Variants in AMMECR1L observed in about 807,000 individuals in gnomAD.
AMMECR1L encodes AMMECR1 like, also known as AMMECR1-like protein.
AMMECR1L carries 4 observed loss-of-function variants against 36.8 expected under a neutral mutation model. The observed-to-expected ratio is 0.11, with a 90% confidence interval of 0.05 to 0.25. AMMECR1L has a LOEUF of 0.25. AMMECR1L is among the 10% of genes least tolerant of loss of function. The pLI, the probability that AMMECR1L is intolerant of heterozygous loss-of-function variation, is 1.00. For missense variants in AMMECR1L, 232 were observed against 392.1 expected, an observed-to-expected ratio of 0.59 and a Z score of 3.45; for synonymous variants, 147 against 148.0, an observed-to-expected ratio of 0.99 and a Z score of 0.05.
rs573654149 is a variant in AMMECR1L at position 127,881,979 on chromosome 2, C to T, written c.-39+2224G>A. On this transcript the variant is annotated intron_variant, in intron 2 of 7. Transcript: ENST00000272647. ...GCCTTGAGAGTTGTACAGTTTTATT[C>T]CACTAGAGTCCTCATTTAAGCTTAC... Among the ~76,000 whole-genome samples the T allele has an allele frequency of 1.3e-4, 20 of 152,242 alleles. 1 individual carries two copies. The South Asian group carries it at 3.9e-3, about 30-fold the overall frequency.
chr2:127,884,060 A>G (rs1691643501), intron 2 of AMMECR1L, 143 bp downstream of exon 2: 1 of 152,272 alleles, frequency 6.6e-6, no homozygotes, highest in African/African-American at 2.4e-5. Context: ...AACAAGCGGA[A>G]AAACTTCATC....
In AMMECR1L at chr2:127,873,682, C is replaced by G. The variant is rs1691096599; in HGVS notation, c.407+146G>C. 1 of 1,548,750 alleles carries G rather than the reference C, an allele frequency of 6.5e-7. No individual in the cohort carries two copies. Among genetic ancestry groups the G allele is most frequent in the Non-Finnish European group, 8.6e-7 (1 of 1,160,070 alleles). Reference sequence around the variant, plus strand: ...GAATCCACTGAATGTTTTAAATATTCTCTGGACATTTCTTATCATTCTCTT... The same window carrying G: ...GAATCCACTGAATGTTTTAAATATTGTCTGGACATTTCTTATCATTCTCTT... On this transcript the variant is annotated intron_variant, in intron 3 of 7. Coordinates refer to ENST00000272647, the MANE Select transcript of AMMECR1L (RefSeq NM_001199140.2). The surrounding 1 kb of genome is among the most constrained non-coding windows in gnomAD (Gnocchi z 5.2).
At chr2:127,883,871 C>T (rs1476533080) in intron 2 of AMMECR1L, among the ~76,000 whole-genome samples, 2 of 152,064 alleles carry the variant, frequency 1.3e-5, no homozygotes, top group East Asian at 1.9e-4. Flanking sequence ...AGTTAATTAC[C>T]CTAAAACTTA....
Position 127,863,367 on chromosome 2 carries a change from T to G in AMMECR1L, c.*1727A>C, listed in dbSNP as rs903457657. 2 of 151,836 alleles carry G rather than the reference T, an allele frequency of 1.3e-5. No individual in the cohort carries two copies. The highest frequency in any genetic ancestry group is 4.8e-5 in the African/African-American group (2 of 41,374). The allele number at this position is 151,836 out of a possible 1,614,324, so 9.4% of individuals were successfully genotyped here. Reference sequence around the variant, plus strand: ...CTAGGCACCGTCACCCACGTTTCCCTCGCACGTCCCAGGTCCTCTCGAGCA... The same window carrying G: ...CTAGGCACCGTCACCCACGTTTCCCGCGCACGTCCCAGGTCCTCTCGAGCA... On this transcript the variant is annotated 3_prime_UTR_variant, in exon 8 of 8. Transcript: ENST00000272647.
rs528985015 is a variant in AMMECR1L at position 127,881,502 on chromosome 2, T to C, written c.-39+2701A>G. Among the ~76,000 whole-genome samples the C allele has an allele frequency of 2.6e-5, 4 of 152,218 alleles. No homozygotes were observed. In the East Asian group the frequency reaches 5.8e-4, roughly 22 times the overall value. On this transcript the variant is annotated intron_variant, in intron 2 of 7. Coordinates refer to ENST00000272647, the MANE Select transcript of AMMECR1L (RefSeq NM_001199140.2). ...CAGAACCTAGATTTTGAGGTTACAA[T>C]CTCAGCTCAGATCCCAAGTCTGACT...
intron 2 of AMMECR1L, among the ~76,000 whole-genome samples, chr2:127,878,079 T>A (rs911797113): frequency 2.0e-5 from 3 of 152,036 alleles, no homozygotes; most frequent in African/African-American, 7.2e-5. Flanking sequence ...AATAAATAAA[T>A]AAAAATTTAA....
At chr2:127,880,280 C>G (rs1278475850) in intron 2 of AMMECR1L, among the ~76,000 whole-genome samples, 1 of 152,218 alleles carries the variant, frequency 6.6e-6, no homozygotes. Context: ...GTGAGAGTCC[C>G]TTTTCTTCCT....
At chr2:127,883,801 C>T (rs7574303) in intron 2 of AMMECR1L, among the ~76,000 whole-genome samples, 1 of 152,052 alleles carries the variant, frequency 6.6e-6, no homozygotes, top group African/African-American at 2.4e-5. Context: ...TCTCTCAGGA[C>T]TGAAACTATA....
rs536175659 is a variant in AMMECR1L, at chr2:127,873,035, TG to T, written c.407+792del. ...GCTCCTTTTCTTCACACCCTCTCCA[TG>T]CCCCAGCCAAGGTTTTGTAGTCTCC... is the stretch of plus-strand genomic sequence containing the variant. On this transcript the variant is annotated intron_variant, in intron 3 of 7. Transcript: ENST00000272647. The surrounding 1 kb of genome is among the most constrained non-coding windows in gnomAD (Gnocchi z 5.2). 47 of 985,328 alleles carry T rather than the reference TG, an allele frequency of 4.8e-5. No homozygotes were observed. The South Asian group carries it at 1.4e-3, about 30-fold the overall frequency. The allele number at this position is 985,328 out of a possible 1,614,324, so 61.0% of individuals were successfully genotyped here.
chr2:127,871,849 T>C lies in AMMECR1L; in HGVS notation c.408-490A>G, dbSNP rs1408747601. On this transcript the variant is annotated intron_variant, in intron 3 of 7. Coordinates refer to ENST00000272647, the MANE Select transcript of AMMECR1L (RefSeq NM_001199140.2). This position sits in a 1 kb window ranked among gnomAD's most constrained non-coding sequence, Gnocchi z 4.3. ...TACAAATATTTCCACTCACAAATTTTCAGAAAAAAAAGTTCCCTCAAAAAA... is the reference window on the plus strand; with the variant it reads ...TACAAATATTTCCACTCACAAATTTCCAGAAAAAAAAGTTCCCTCAAAAAA... Among the ~76,000 whole-genome samples the C allele has an allele frequency of 6.6e-6, 1 of 151,806 alleles. No homozygotes were observed. The highest frequency in any genetic ancestry group is 1.5e-5 in the Non-Finnish European group (1 of 67,948).
intron 7 of AMMECR1L, among the ~76,000 whole-genome samples, chr2:127,866,002 A>G (rs1690669466): frequency 1.3e-5 from 2 of 152,222 alleles, no homozygotes; most frequent in African/African-American, 4.8e-5. Context: ...AAATTATAAT[A>G]ATAATAATAA....
chr2:127,866,880 A>G lies in AMMECR1L; in HGVS notation c.821+20T>C, dbSNP rs1224049901. On this transcript the variant is annotated intron_variant, in intron 7 of 7. Coordinates refer to ENST00000272647, the MANE Select transcript of AMMECR1L (RefSeq NM_001199140.2). Reference sequence around the variant, plus strand: ...CCCCAACTAAATTGAAATGATAAGGAAAACAAGACAATGGCTTACCTGGTG... The same window carrying G: ...CCCCAACTAAATTGAAATGATAAGGGAAACAAGACAATGGCTTACCTGGTG... 6.2e-7 allele frequency: 1 copy of G among 1,608,564 alleles called. No homozygotes were observed. The highest frequency in any genetic ancestry group is 8.5e-7 in the Non-Finnish European group (1 of 1,174,956).
rs571090847 is a variant in AMMECR1L, at chr2:127,866,527, T to A, written c.821+373A>T. Among the ~76,000 whole-genome samples, 7 of 152,368 alleles carry A rather than the reference T, an allele frequency of 4.6e-5. No individual in the cohort carries two copies. In the East Asian group the frequency reaches 1.3e-3, roughly 29 times the overall value. On this transcript the variant is annotated intron_variant, in intron 7 of 7. Coordinates refer to ENST00000272647, the MANE Select transcript of AMMECR1L (RefSeq NM_001199140.2). ...AAAAGCATTTTCTTACTCTCCTGTA[T>A]CTCCTGCCGTCTGACTACATGTGCA...
intron 2 of AMMECR1L, among the ~76,000 whole-genome samples, chr2:127,877,664 G>C (rs765511741): frequency 1.3e-5 from 2 of 152,162 alleles, no homozygotes; most frequent in African/African-American, 2.4e-5. Context: ...CACAATCTAT[G>C]TATCAGGCTG....
intron 2 of AMMECR1L, among the ~76,000 whole-genome samples, chr2:127,882,837 G>A (rs1227482468): frequency 6.6e-6 from 1 of 151,720 alleles, no homozygotes; most frequent in Non-Finnish European, 1.5e-5. Flanking sequence ...CTGGCTTCAA[G>A]CAATCCTCCT....
chr2:127,876,894 G>A (rs1177924309), intron 2 of AMMECR1L, among the ~76,000 whole-genome samples: 1 of 151,938 alleles, frequency 6.6e-6, no homozygotes, highest in East Asian at 1.9e-4. Flanking sequence ...GTGCATGCCT[G>A]TAATCCTAGC....
At position 127,862,879 on chromosome 2, in the gene AMMECR1L, AAATAAAATAAAAT is replaced by A. The variant is rs1403722962; in HGVS notation, c.*2202_*2214del. ...TACCCCCCCTCGATAAAATAAAATA[AAATAAAATAAAAT>A]AATAAAATAAAATAACATACCATAC... On this transcript the variant is annotated 3_prime_UTR_variant, in exon 8 of 8. Coordinates refer to ENST00000272647, the MANE Select transcript of AMMECR1L (RefSeq NM_001199140.2). 9.9e-5 allele frequency: 15 copies of A among 151,956 alleles called. No individual in the cohort carries two copies. Among genetic ancestry groups the A allele is most frequent in the Admixed American group, 5.2e-4 (8 of 15,252 alleles). 9.4% of individuals were successfully genotyped at this position (151,956 alleles called of 1,614,324 possible). A position where few individuals can be genotyped will look rare whatever the true frequency, so the allele number is the denominator to read the frequency against.
intron 2 of AMMECR1L, among the ~76,000 whole-genome samples, chr2:127,878,137 C>A (rs921736565): frequency 6.6e-6 from 1 of 151,978 alleles, no homozygotes; most frequent in African/African-American, 2.4e-5. Context: ...AGAATCTTGC[C>A]AACAAAAATG....
chr2:127,872,103 C>G (rs1189388645), intron 3 of AMMECR1L, among the ~76,000 whole-genome samples: 1 of 148,780 alleles, frequency 6.7e-6, no homozygotes. Flanking sequence ...GTGGGAGAAT[C>G]ACTTGATCCT....
Sources: gnomAD v4.1 joint callset for allele counts (sites outside exome capture counted in the v4.1 genomes callset) on GRCh38, gnomAD v4.1.1 for gene constraint, Gnocchi (gnomAD v3.1) non-coding constraint, MANE v1.5 for transcripts, NCBI Gene and HGNC (gene_info 2026-07-23, HGNC 2026-07-21) for gene names.